The following TIAM1 variants were observed in gnomAD, a reference collection of about 807,000 sequenced individuals.
The protein encoded by TIAM1 is rho guanine nucleotide exchange factor TIAM1.
In TIAM1, 65 loss-of-function variants were observed where a neutral mutation model predicts 163.5. The ratio of observed to expected loss-of-function variants is 0.40; its 90% CI spans 0.33 to 0.49. The LOEUF is 0.49. Among genes scored for constraint, TIAM1 ranks in the 20% least tolerant of loss-of-function variants. TIAM1 has a pLI of 0.77. For synonymous variants in TIAM1, 833 were observed against 810.1 expected (o/e 1.03, Z -0.48); for missense variants, 1,789 against 2,044.7 (o/e 0.87, Z 2.41).
At chr21:31,229,998 A>G (rs539010417) in intron 6 of TIAM1, among the ~76,000 whole-genome samples, 1 of 152,248 alleles carries the variant, frequency 6.6e-6, no homozygotes, top group South Asian at 2.1e-4. Context: ...TCCAGATGCA[A>G]TCCCTGCAGA....
rs780931628 is a variant in TIAM1, at chr21:31,135,945, A to G, written c.3871T>C (p.Leu1291=). 5 of 1,613,992 alleles carry G rather than the reference A, an allele frequency of 3.1e-6. No homozygotes were observed. In the African/African-American group the frequency reaches 6.7e-5, roughly 22 times the overall value. Residue 1291 remains leucine (L), a synonymous_variant, in exon 23 of 28, where the codon TTG becomes CTG. Transcript: ENST00000541036. The part of the protein sequence containing the change: ...SLGKWKKEPE[L]AAFVFKTAVV... ...TTCTGATACACACCGAATGCTGCCA[A>G]CTCTGGTTCCTTTTTCCACTTGCCC...
At chr21:31,411,227 AAATAAT>A (rs1204865225) in intron 2 of TIAM1, among the ~76,000 whole-genome samples, 1 of 152,196 alleles carries the variant, frequency 6.6e-6, no homozygotes, top group Non-Finnish European at 1.5e-5. Flanking sequence ...CTTGAACTTA[AAATAAT>A]AATAATAACA....
chr21:31,364,414 T>C lies in TIAM1; in HGVS notation c.-368-24992A>G, dbSNP rs574032211. 8.2e-4 allele frequency among the ~76,000 whole-genome samples: 125 copies of C among 152,326 alleles called. 1 individual carries two copies. Among genetic ancestry groups the C allele is most frequent in the African/African-American group, 3.0e-3 (125 of 41,568 alleles). On this transcript the variant is annotated intron_variant, in intron 2 of 28. Coordinates refer to the TIAM1 transcript ENST00000286827. ...TGAGAAACCCTCCAAAGACCTCTGC[T>C]GAATACCTCACTTACACTCAAGCCT... is the stretch of plus-strand genomic sequence containing the variant.
rs190077384 is a variant in TIAM1, at chr21:31,389,009, G to A, written c.-368-49587C>T. On this transcript the variant is annotated intron_variant, in intron 2 of 28. Coordinates refer to the TIAM1 transcript ENST00000286827. ...ATGGTAAATATTTCAGGCCTTCCTGGCCATAAGGTCTGTGTCACACGCACT... is the reference window on the plus strand; with the variant it reads ...ATGGTAAATATTTCAGGCCTTCCTGACCATAAGGTCTGTGTCACACGCACT... Among the ~76,000 whole-genome samples the A allele has an allele frequency of 2.5e-3, 383 of 152,264 alleles. 3 individuals carry two copies. Among genetic ancestry groups the A allele is most frequent in the Non-Finnish European group, 3.3e-3 (226 of 68,026 alleles).
At chr21:31,449,795 G>A (rs1443847692) in intron 2 of TIAM1, among the ~76,000 whole-genome samples, 2 of 152,170 alleles carry the variant, frequency 1.3e-5, no homozygotes, top group Non-Finnish European at 2.9e-5. Flanking sequence ...TCTATCCAGG[G>A]TAGGCCTGGT....
At chr21:31,343,131 C>T (rs2833383) in intron 1 of TIAM1, among the ~76,000 whole-genome samples, 33,139 of 152,036 alleles carry the variant, frequency 0.22, 3,894 homozygotes, top group Middle Eastern at 0.37. Context: ...ATGAAGGATT[C>T]GCTTACAAAA....
At chr21:31,318,243 A>ACATGCC (rs1198580126) in intron 2 of TIAM1, among the ~76,000 whole-genome samples, 3 of 152,158 alleles carry the variant, frequency 2.0e-5, no homozygotes, top group African/African-American at 7.2e-5. Context: ...GACCACAGGC[A>ACATGCC]CATGCCACCA....
chr21:31,452,013 G>A (rs912652454), intron 2 of TIAM1, among the ~76,000 whole-genome samples: 1 of 152,008 alleles, frequency 6.6e-6, no homozygotes, highest in East Asian at 1.9e-4. Context: ...AGTAAGTTTG[G>A]GTTTCAGGTT....
intron 2 of TIAM1, among the ~76,000 whole-genome samples, chr21:31,390,494 C>T (rs2833391): frequency 0.27 from 41,572 of 152,000 alleles, 6,011 homozygotes; most frequent in Middle Eastern, 0.48. Flanking sequence ...AGCATCCCCC[C>T]GAAAGTAAGA....
chr21:31,534,868 G>A (rs2048077593), intron 1 of TIAM1, among the ~76,000 whole-genome samples: 1 of 152,172 alleles, frequency 6.6e-6, no homozygotes, highest in African/African-American at 2.4e-5. Context: ...CACTTTGGGA[G>A]ACCAAGCTGG....
chr21:31,543,031 G>T (rs985987427), intron 1 of TIAM1, among the ~76,000 whole-genome samples: 4 of 152,020 alleles, frequency 2.6e-5, no homozygotes, highest in Non-Finnish European at 5.9e-5. Flanking sequence ...GGAATCAAAG[G>T]CATATCGGTG....
intron 2 of TIAM1, among the ~76,000 whole-genome samples, chr21:31,398,416 A>C (rs2077109450): frequency 6.6e-6 from 1 of 152,130 alleles, no homozygotes; most frequent in African/African-American, 2.4e-5. Flanking sequence ...AATGTCAAAA[A>C]TTTTTTCTTA....
intron 13 of TIAM1, among the ~76,000 whole-genome samples, chr21:31,189,509 G>T (rs1348441089): frequency 5.3e-5 from 8 of 152,240 alleles, no homozygotes; most frequent in South Asian, 2.1e-4. Flanking sequence ...TAATTAGTGG[G>T]GAAATCTCTA....
chr21:31,392,872 A>T (rs1233913501), intron 2 of TIAM1, among the ~76,000 whole-genome samples: 1 of 151,820 alleles, frequency 6.6e-6, no homozygotes, highest in Admixed American at 6.6e-5. Flanking sequence ...TTCTGCCATG[A>T]GTAAAAGCTT....
intron 1 of TIAM1, among the ~76,000 whole-genome samples, chr21:31,470,019 T>C (rs1022642079): frequency 1.6e-5 from 2 of 125,302 alleles, no homozygotes; most frequent in Non-Finnish European, 3.4e-5. Flanking sequence ...TTTTTTTTTT[T>C]CTGAGACACA....
rs1474003283 is a variant in TIAM1, at chr21:31,206,461, A to C, written c.2389-3449T>G. 4.6e-5 allele frequency among the ~76,000 whole-genome samples: 7 copies of C among 152,204 alleles called. 1 individual carries two copies. Among genetic ancestry groups the C allele is most frequent in the African/African-American group, 1.2e-4 (5 of 41,454 alleles). ...AATTCTAAATGTGTGGCCTTGCTTT[A>C]GACATAAAACATTCAAGTGAAAACT... On this transcript the variant is annotated intron_variant, in intron 11 of 27. Coordinates refer to ENST00000541036, the MANE Select transcript of TIAM1 (RefSeq NM_001353694.2).
intron 2 of TIAM1, among the ~76,000 whole-genome samples, chr21:31,408,119 T>C (rs893899105): frequency 1.3e-5 from 2 of 152,228 alleles, no homozygotes; most frequent in African/African-American, 4.8e-5. Context: ...AGACATCAGT[T>C]CTGTTAAAAA....
intron 6 of TIAM1, among the ~76,000 whole-genome samples, chr21:31,240,558 A>C (rs973409720): frequency 6.6e-6 from 1 of 152,178 alleles, no homozygotes; most frequent in Non-Finnish European, 1.5e-5. Context: ...CATCTTCCCC[A>C]AAACACCTTT....
chr21:31,328,670 C>T (rs548737935), intron 2 of TIAM1, among the ~76,000 whole-genome samples: 4 of 152,086 alleles, frequency 2.6e-5, no homozygotes, highest in East Asian at 3.9e-4. Context: ...TTTTAAGGCC[C>T]GCATGCATTA....
Sources: gnomAD v4.1 joint callset for allele counts (sites outside exome capture counted in the v4.1 genomes callset) on GRCh38, gnomAD v4.1.1 for gene constraint, MANE v1.5 for transcripts, NCBI Gene and HGNC (gene_info 2026-07-23, HGNC 2026-07-21) for gene names.